The following BMPR1B variants were observed in gnomAD, a reference collection of about 807,000 sequenced individuals.
BMPR1B encodes bone morphogenetic protein receptor type-1B.
In BMPR1B, 12 loss-of-function variants were observed where a neutral mutation model predicts 59.1. The observed-to-expected ratio is 0.20, with a 90% CI of 0.13 to 0.33. BMPR1B has a LOEUF of 0.33. Ranked by LOEUF, BMPR1B falls within the 10% of genes least tolerant of loss-of-function variation. The pLI, the probability that BMPR1B is intolerant of heterozygous loss-of-function variation, is 1.00. For synonymous variants in BMPR1B, 237 were observed against 207.3 expected, an observed-to-expected ratio of 1.14 and a Z score of -1.23; for missense variants, 550 against 610.9, an observed-to-expected ratio of 0.90 and a Z score of 1.05.
intron 2 of BMPR1B, among the ~76,000 whole-genome samples, chr4:94,983,150 G>A (rs186956431): frequency 5.3e-4 from 80 of 152,140 alleles, no homozygotes; most frequent in Admixed American, 1.0e-3. Context: ...AGCTCCAAGG[G>A]CTCTGCTTTA....
intron 1 of BMPR1B, among the ~76,000 whole-genome samples, chr4:94,832,585 C>T (rs898371727): frequency 1.3e-5 from 2 of 151,726 alleles, no homozygotes; most frequent in Admixed American, 6.6e-5. Flanking sequence ...AATTCAAGAC[C>T]AGCTTGGCCA....
intron 3 of BMPR1B, among the ~76,000 whole-genome samples, chr4:95,062,743 T>G (rs1262707803): frequency 1.3e-5 from 2 of 152,148 alleles, no homozygotes; most frequent in Admixed American, 1.3e-4. Context: ...TCCTCTAGAT[T>G]TACACATTTG....
At chr4:94,836,507 A>C (rs1396567843) in intron 1 of BMPR1B, among the ~76,000 whole-genome samples, 8 of 145,776 alleles carry the variant, frequency 5.5e-5, no homozygotes, top group South Asian at 2.3e-4. Context: ...TCTGATGGCC[A>C]GTGATGATGA....
intron 2 of BMPR1B, among the ~76,000 whole-genome samples, chr4:94,973,146 C>T (rs1730880667): frequency 6.6e-6 from 1 of 152,136 alleles, no homozygotes; most frequent in Non-Finnish European, 1.5e-5. Flanking sequence ...CCCCCTGAAA[C>T]CCCAGAGGGT....
intron 3 of BMPR1B, among the ~76,000 whole-genome samples, chr4:95,012,946 A>G (rs1180488863): frequency 6.6e-6 from 1 of 152,190 alleles, no homozygotes; most frequent in Non-Finnish European, 1.5e-5. Context: ...ATCCAAAATA[A>G]GGAAGAAATC....
intron 2 of BMPR1B, among the ~76,000 whole-genome samples, chr4:94,956,598 T>C (rs1730149853): frequency 6.6e-6 from 1 of 152,178 alleles, no homozygotes; most frequent in Non-Finnish European, 1.5e-5. Flanking sequence ...ATTTATAGAA[T>C]AGAGTTCTGC....
chr4:95,092,494 C>G (rs999436866), intron 3 of BMPR1B, among the ~76,000 whole-genome samples: 1 of 151,880 alleles, frequency 6.6e-6, no homozygotes, highest in African/African-American at 2.4e-5. Context: ...TATTGTTTCA[C>G]CAGAGATAGA....
chr4:95,001,933 T>C (rs1722480013), intron 3 of BMPR1B, among the ~76,000 whole-genome samples: 1 of 152,190 alleles, frequency 6.6e-6, no homozygotes, highest in Non-Finnish European at 1.5e-5. Flanking sequence ...TGGTAAAATT[T>C]GCTTGTATAC....
chr4:95,132,972 T>A (rs896229601), intron 10 of BMPR1B, among the ~76,000 whole-genome samples: 2 of 152,198 alleles, frequency 1.3e-5, no homozygotes, highest in African/African-American at 2.4e-5. Flanking sequence ...CCACTGGCTC[T>A]GCTCTCTTTT....
At chr4:95,025,605 T>C (rs1724298962) in intron 3 of BMPR1B, among the ~76,000 whole-genome samples, 1 of 152,222 alleles carries the variant, frequency 6.6e-6, no homozygotes, top group Non-Finnish European at 1.5e-5. Flanking sequence ...ATAGTCTTCT[T>C]GATCTGGTTA....
chr4:95,032,032 T>C (rs368742819), intron 3 of BMPR1B, among the ~76,000 whole-genome samples: 1 of 152,148 alleles, frequency 6.6e-6, no homozygotes. Flanking sequence ...TCTCTGGAGC[T>C]CTTTTCATTT....
chr4:94,781,934 G>A (rs1722606198), intron 1 of BMPR1B, among the ~76,000 whole-genome samples: 2 of 151,790 alleles, frequency 1.3e-5, no homozygotes, highest in Admixed American at 1.3e-4. Context: ...CTCTCTTTTT[G>A]TCTTGTAGTA....
At chr4:94,787,226 T>A (rs1722796258) in intron 1 of BMPR1B, among the ~76,000 whole-genome samples, 1 of 152,148 alleles carries the variant, frequency 6.6e-6, no homozygotes, top group African/African-American at 2.4e-5. Context: ...TAGAGGTTTT[T>A]TATTCCCCTG....
intron 3 of BMPR1B, among the ~76,000 whole-genome samples, chr4:95,044,977 T>C (rs1192265903): frequency 6.6e-6 from 1 of 152,206 alleles, no homozygotes; most frequent in Non-Finnish European, 1.5e-5. Flanking sequence ...GAGGGCACTT[T>C]TGTTTTTGGT....
At chr4:94,980,458 G>C (rs1022244484) in intron 2 of BMPR1B, among the ~76,000 whole-genome samples, 5 of 151,952 alleles carry the variant, frequency 3.3e-5, no homozygotes, top group African/African-American at 1.2e-4. Flanking sequence ...AAAAAAAATT[G>C]ATTCCCAGCC....
At chr4:94,838,154 G>A (rs1378224630) in intron 1 of BMPR1B, among the ~76,000 whole-genome samples, 2 of 137,136 alleles carry the variant, frequency 1.5e-5, no homozygotes, top group African/African-American at 2.8e-5. Context: ...TGCTGGATTC[G>A]TTTTGCCAGT....
At chr4:95,131,577 G>T (rs1383114823) in intron 10 of BMPR1B, 65 bp downstream of exon 10, 2 of 1,554,880 alleles carry the variant, frequency 1.3e-6, no homozygotes, top group Non-Finnish European at 8.9e-7. Flanking sequence ...ATTTTGTAGC[G>T]CAGTGCTTCT....
chr4:95,147,238 G>A (rs1490086042), intron 10 of BMPR1B, among the ~76,000 whole-genome samples: 3 of 151,912 alleles, frequency 2.0e-5, no homozygotes, highest in Non-Finnish European at 4.4e-5. Flanking sequence ...AATTCTAGCC[G>A]GAAGTGACTT....
At chr4:94,961,315 G>A (rs1361920296) in intron 2 of BMPR1B, among the ~76,000 whole-genome samples, 12 of 152,006 alleles carry the variant, frequency 7.9e-5, no homozygotes, top group Non-Finnish European at 1.5e-4. Flanking sequence ...GACAATGGCC[G>A]TTTTTCTGCT....
Sources: gnomAD v4.1 joint callset for allele counts (sites outside exome capture counted in the v4.1 genomes callset) on GRCh38, gnomAD v4.1.1 for gene constraint, MANE v1.5 for transcripts, NCBI Gene and HGNC (gene_info 2026-07-23, HGNC 2026-07-21) for gene names.